IL1RAPL1: variants seen among roughly 807,000 people sequenced by gnomAD.
IL1RAPL1 encodes interleukin-1 receptor accessory protein-like 1.
Under a neutral mutation model 48.4 loss-of-function variants are expected in IL1RAPL1, and 3 were observed. The observed-to-expected ratio is 0.06, with a 90% CI of 0.03 to 0.16. The LOEUF is 0.16. IL1RAPL1 is among the 10% of genes least tolerant of loss of function. The pLI is 1.00. For synonymous variants in IL1RAPL1, 185 were observed against 187.7 expected (o/e 0.99, Z 0.12); for missense variants, 349 against 530.6 (o/e 0.66, Z 3.36).
intron 2 of IL1RAPL1, among the ~76,000 whole-genome samples, chrX:28,806,299 T>G: frequency 8.9e-6 from 1 of 112,029 alleles, no homozygotes; most frequent in African/African-American, 3.2e-5. Flanking sequence ...GCACTGAGAC[T>G]ATACTGGAAA....
chrX:29,312,465 A>G (rs1203216484), intron 3 of IL1RAPL1, among the ~76,000 whole-genome samples: 1 of 111,309 alleles, frequency 9.0e-6, no homozygotes, highest in African/African-American at 3.3e-5. Flanking sequence ...TATTTCTCTT[A>G]TTCCCCTCCC....
intron 5 of IL1RAPL1, among the ~76,000 whole-genome samples, chrX:29,592,638 C>A (rs1923413039): frequency 8.9e-6 from 1 of 112,269 alleles, no homozygotes; most frequent in Non-Finnish European, 1.9e-5. Context: ...AACTGCAATG[C>A]CACATTCTCT....
At chrX:29,463,207 A>AAC (rs1556017451) in intron 5 of IL1RAPL1, among the ~76,000 whole-genome samples, 12 of 103,989 alleles carry the variant, frequency 1.2e-4, no homozygotes, top group Non-Finnish European at 6.0e-5. Flanking sequence ...AAAAAAAAAA[A>AAC]CCCACATTAT....
chrX:29,060,849 A>G (rs1279048260), intron 2 of IL1RAPL1, among the ~76,000 whole-genome samples: 2 of 112,136 alleles, frequency 1.8e-5, no homozygotes, highest in Non-Finnish European at 3.8e-5. Context: ...TGTTACTGCT[A>G]AAATTATTTT....
intron 9 of IL1RAPL1, among the ~76,000 whole-genome samples, chrX:29,943,074 G>C (rs890219019): frequency 9.0e-6 from 1 of 111,303 alleles, no homozygotes; most frequent in African/African-American, 3.3e-5. Context: ...GGTTTGTAAA[G>C]AGAAGTGGTT....
intron 1 of IL1RAPL1, among the ~76,000 whole-genome samples, chrX:28,698,957 C>T (rs1047417209): frequency 3.6e-4 from 40 of 112,028 alleles, no homozygotes; most frequent in African/African-American, 1.2e-3. Flanking sequence ...ATTCTGTCCT[C>T]ACAATCTCTT....
At chrX:29,313,363 C>T (rs1248576249) in intron 3 of IL1RAPL1, among the ~76,000 whole-genome samples, 2 of 110,157 alleles carry the variant, frequency 1.8e-5, no homozygotes, top group Non-Finnish European at 3.8e-5. Flanking sequence ...TTTCTCTGTA[C>T]CTTCCTTTCT....
chrX:29,327,579 A>C (rs891108634), intron 3 of IL1RAPL1, among the ~76,000 whole-genome samples: 2 of 101,192 alleles, frequency 2.0e-5, no homozygotes, highest in African/African-American at 7.3e-5. Flanking sequence ...CCTAGTGACC[A>C]TACTAGATAC....
At chrX:28,721,798 C>G (rs1300477602) in intron 1 of IL1RAPL1, among the ~76,000 whole-genome samples, 5 of 111,009 alleles carry the variant, frequency 4.5e-5, no homozygotes, top group East Asian at 2.8e-4. Flanking sequence ...GATCCAGTTT[C>G]AGCTTTCTAC....
intron 1 of IL1RAPL1, among the ~76,000 whole-genome samples, chrX:28,672,919 C>T (rs965842648): frequency 9.0e-6 from 1 of 111,023 alleles, no homozygotes; most frequent in African/African-American, 3.3e-5. Flanking sequence ...GCCTAGAACC[C>T]AGTAATTATT....
chrX:29,841,806 A>T (rs184639272), intron 6 of IL1RAPL1, among the ~76,000 whole-genome samples: 60 of 111,661 alleles, frequency 5.4e-4, no homozygotes, highest in African/African-American at 1.9e-3. Flanking sequence ...GGGCTTTCCA[A>T]GGTTACCCCC....
At chrX:28,605,721 T>C (rs969481110) in intron 1 of IL1RAPL1, among the ~76,000 whole-genome samples, 10 of 112,023 alleles carry the variant, frequency 8.9e-5, no homozygotes, top group African/African-American at 3.2e-4. Flanking sequence ...AAAGTTCTTA[T>C]AATGGCCTAA....
chrX:29,017,006 T>C (rs1233763043), intron 2 of IL1RAPL1, among the ~76,000 whole-genome samples: 2 of 111,898 alleles, frequency 1.8e-5, no homozygotes, highest in Admixed American at 9.5e-5. Context: ...TCTTTAAAAA[T>C]TGAGATTGTA....
At chrX:28,645,714 A>G (rs1039386613) in intron 1 of IL1RAPL1, among the ~76,000 whole-genome samples, 2 of 111,932 alleles carry the variant, frequency 1.8e-5, no homozygotes, top group African/African-American at 3.2e-5. Flanking sequence ...AGAAGAATTG[A>G]GCCTATGAAT....
intron 6 of IL1RAPL1, among the ~76,000 whole-genome samples, chrX:29,859,515 A>T (rs1381357306): frequency 8.9e-6 from 1 of 111,789 alleles, no homozygotes; most frequent in East Asian, 2.8e-4. Context: ...TTCCCTTTTC[A>T]CCTGAGACCA....
At chrX:28,836,689 TAAG>T (rs1011853774) in intron 2 of IL1RAPL1, among the ~76,000 whole-genome samples, 2 of 110,231 alleles carry the variant, frequency 1.8e-5, no homozygotes, top group African/African-American at 6.6e-5. Context: ...GAAGGAAACT[TAAG>T]AAAGTTTCCT....
intron 6 of IL1RAPL1, among the ~76,000 whole-genome samples, chrX:29,704,674 G>C (rs374461697): frequency 9.1e-6 from 1 of 109,739 alleles, no homozygotes; most frequent in African/African-American, 3.3e-5. Flanking sequence ...ATCTCAAAAG[G>C]AAAAGAAAAA....
intron 6 of IL1RAPL1, among the ~76,000 whole-genome samples, chrX:29,873,484 C>T (rs920842836): frequency 9.2e-6 from 1 of 108,939 alleles, no homozygotes; most frequent in Admixed American, 9.9e-5. Flanking sequence ...GGGATTGATG[C>T]CTGCGTAAAA....
At chrX:29,697,908 A>G (rs1019377838) in intron 6 of IL1RAPL1, among the ~76,000 whole-genome samples, 17 of 111,825 alleles carry the variant, frequency 1.5e-4, no homozygotes, top group African/African-American at 5.2e-4. Context: ...AGCAACCAGA[A>G]TGACCTTTCT....
Sources: gnomAD v4.1 joint callset for allele counts (sites outside exome capture counted in the v4.1 genomes callset) on GRCh38, gnomAD v4.1.1 for gene constraint, MANE v1.5 for transcripts, NCBI Gene and HGNC (gene_info 2026-07-23, HGNC 2026-07-21) for gene names.